The following DCC variants were observed in gnomAD, a reference collection of about 807,000 sequenced individuals.
DCC encodes netrin receptor DCC.
In DCC, 58 loss-of-function variants were observed where a neutral mutation model predicts 172.5. That is an observed-to-expected ratio of 0.34 (90% CI 0.27 to 0.42). The LOEUF is 0.42. Among genes scored for constraint, DCC ranks in the 10% least tolerant of loss-of-function variants. The pLI is 1.00. For synonymous variants in DCC, 709 were observed against 644.5 expected (o/e 1.10, Z -1.52); for missense variants, 1,740 against 1,791.0 (o/e 0.97, Z 0.51).
intron 5 of DCC, among the ~76,000 whole-genome samples, chr18:53,037,934 G>T (rs926266352): frequency 3.3e-5 from 5 of 151,864 alleles, no homozygotes; most frequent in African/African-American, 9.7e-5. Flanking sequence ...GTTAACAGAA[G>T]AGTAAAAATA....
intron 12 of DCC, among the ~76,000 whole-genome samples, chr18:53,278,900 G>A (rs532430596): frequency 1.3e-5 from 2 of 152,274 alleles, no homozygotes; most frequent in African/African-American, 2.4e-5. Flanking sequence ...TTGGAATTGT[G>A]ACTTATAATC....
intron 12 of DCC, among the ~76,000 whole-genome samples, chr18:53,290,483 A>G (rs950499386): frequency 2.6e-5 from 4 of 152,234 alleles, no homozygotes; most frequent in African/African-American, 4.8e-5. Flanking sequence ...CCTCATAAAT[A>G]CATTGTAATG....
At chr18:52,391,150 G>A (rs542014283) in intron 1 of DCC, among the ~76,000 whole-genome samples, 42 of 152,190 alleles carry the variant, frequency 2.8e-4, no homozygotes, top group African/African-American at 9.4e-4. Context: ...CAGAAACTTG[G>A]TGTATAAACA....
At position 52,671,958 on chromosome 18, in the gene DCC, T is replaced by C. The variant is rs115115795; in HGVS notation, c.92-80096T>C. 2.8e-3 allele frequency among the ~76,000 whole-genome samples: 421 copies of C among 152,298 alleles called. 2 individuals are homozygous for C. The highest frequency in any genetic ancestry group is 9.7e-3 in the African/African-American group (405 of 41,566). Reference sequence around the variant, plus strand: ...TGAATAATTAAAAAGCCAGATACACTTCTGTTGAAGTGTAAGCTTTTATCG... The same window carrying C: ...TGAATAATTAAAAAGCCAGATACACCTCTGTTGAAGTGTAAGCTTTTATCG... On this transcript the variant is annotated intron_variant, in intron 1 of 28. Transcript: ENST00000442544.
At chr18:52,927,332 T>C (rs1341499615) in intron 5 of DCC, among the ~76,000 whole-genome samples, 1 of 151,374 alleles carries the variant, frequency 6.6e-6, no homozygotes, top group African/African-American at 2.4e-5. Context: ...TTGTGAATTG[T>C]GTAAATTACA....
intron 5 of DCC, among the ~76,000 whole-genome samples, chr18:53,003,666 T>A (rs1226605383): frequency 6.6e-6 from 1 of 152,104 alleles, no homozygotes. Flanking sequence ...CTCCAATTTA[T>A]GGTGAAGGTT....
intron 1 of DCC, among the ~76,000 whole-genome samples, chr18:52,564,653 T>C (rs2033112728): frequency 7.8e-6 from 1 of 128,104 alleles, no homozygotes; most frequent in African/African-American, 2.8e-5. Flanking sequence ...ATGGGATATC[T>C]TTTATTATAA....
At chr18:52,709,655 T>C (rs2036263049) in intron 1 of DCC, among the ~76,000 whole-genome samples, 1 of 152,202 alleles carries the variant, frequency 6.6e-6, no homozygotes, top group Admixed American at 6.5e-5. Context: ...TGAAATCTCC[T>C]ATCAGTTCTA....
intron 3 of DCC, among the ~76,000 whole-genome samples, chr18:52,911,522 C>A (rs1598921996): frequency 6.6e-6 from 1 of 152,034 alleles, no homozygotes; most frequent in East Asian, 1.9e-4. Flanking sequence ...TGTGTCAGAC[C>A]CCATGATATT....
At chr18:53,231,697 T>C (rs1479025431) in intron 12 of DCC, among the ~76,000 whole-genome samples, 2 of 152,138 alleles carry the variant, frequency 1.3e-5, no homozygotes, top group African/African-American at 4.8e-5. Context: ...AACTTTTAAC[T>C]GTGTGGGTGT....
intron 1 of DCC, among the ~76,000 whole-genome samples, chr18:52,469,123 TCTC>T (rs1988874241): frequency 6.6e-6 from 1 of 152,132 alleles, no homozygotes; most frequent in South Asian, 2.1e-4. Context: ...AGTGGCGCGA[TCTC>T]AGCTCACTGC....
At chr18:52,410,160 A>G (rs1420986208) in intron 1 of DCC, among the ~76,000 whole-genome samples, 2 of 152,152 alleles carry the variant, frequency 1.3e-5, no homozygotes, top group Non-Finnish European at 2.9e-5. Flanking sequence ...GCTGTGACTC[A>G]TGCCTGTCAT....
intron 7 of DCC, among the ~76,000 whole-genome samples, chr18:53,134,478 A>G (rs184255267): frequency 1.0e-3 from 159 of 152,286 alleles, no homozygotes; most frequent in African/African-American, 3.2e-3. Flanking sequence ...CTGCATTACT[A>G]GAGCCTTACA....
chr18:52,386,436 A>C (rs1985802619), intron 1 of DCC, among the ~76,000 whole-genome samples: 3 of 152,170 alleles, frequency 2.0e-5, no homozygotes, highest in Non-Finnish European at 4.4e-5. Context: ...TTCAATCAGT[A>C]AATGATGTTT....
intron 5 of DCC, among the ~76,000 whole-genome samples, chr18:53,029,662 A>G (rs2042001618): frequency 6.6e-6 from 1 of 152,042 alleles, no homozygotes; most frequent in South Asian, 2.1e-4. Context: ...GGTGCATCAT[A>G]TATCATATTG....
intron 12 of DCC, among the ~76,000 whole-genome samples, chr18:53,274,499 A>G (rs1368648624): frequency 6.6e-6 from 1 of 152,178 alleles, no homozygotes; most frequent in Non-Finnish European, 1.5e-5. Flanking sequence ...AGTGTGCAGT[A>G]TATTGTGGAC....
chr18:52,388,187 G>A (rs1304544776), intron 1 of DCC, among the ~76,000 whole-genome samples: 1 of 152,012 alleles, frequency 6.6e-6, no homozygotes, highest in Non-Finnish European at 1.5e-5. Flanking sequence ...TAGGTGTGAC[G>A]TTCAACTTCT....
chr18:52,539,620 C>T (rs2032383054), intron 1 of DCC, among the ~76,000 whole-genome samples: 1 of 152,278 alleles, frequency 6.6e-6, no homozygotes, highest in East Asian at 1.9e-4. Flanking sequence ...TGAATCCATG[C>T]CCCCGGCCCA....
At chr18:52,405,818 C>G (rs1226766856) in intron 1 of DCC, among the ~76,000 whole-genome samples, 1 of 151,268 alleles carries the variant, frequency 6.6e-6, no homozygotes, top group East Asian at 2.0e-4. Context: ...TTGGAAAAAA[C>G]TACTTTAAAG....
Sources: allele counts gnomAD v4.1 joint callset (sites outside exome capture counted in the v4.1 genomes callset), GRCh38; gene constraint gnomAD v4.1.1; transcripts MANE v1.5; gene names NCBI Gene and HGNC (gene_info 2026-07-23, HGNC 2026-07-21).